The following LDB3 variants were observed in gnomAD, a reference collection of about 807,000 sequenced individuals.
The protein encoded by LDB3 is LIM domain-binding protein 3.
In LDB3, 49 loss-of-function variants were observed where a neutral mutation model predicts 69.0. The ratio of observed to expected loss-of-function variants is 0.71; its 90% CI spans 0.56 to 0.90. LDB3 has a LOEUF of 0.90. LDB3 is among the 40% of genes least tolerant of loss of function. The pLI is 0.00. For synonymous variants in LDB3, 387 were observed against 396.2 expected (o/e 0.98, Z 0.28); for missense variants, 928 against 974.1 (o/e 0.95, Z 0.63).
Position 86,679,416 on chromosome 10 carries a change from T to G in LDB3, c.143T>G (p.Leu48Arg). 1 of 1,614,042 alleles carries G rather than the reference T, an allele frequency of 6.2e-7. No individual in the cohort carries two copies. The highest frequency in any genetic ancestry group is 1.1e-5 in the South Asian group (1 of 91,068). ...AAQSQLSQGD[L>R]VVAIDGVNTD... ...CAGTCCCAGCTCAGCCAGGGTGACC[T>G]CGTGGTGGCCATTGACGGCGTCAAC... Residue 48 changes from leucine to arginine, a missense_variant, in exon 3 of 14, where the codon CTC becomes CGC. Transcript: ENST00000361373.
rs1448791183 is a variant in LDB3 at position 86,706,636 on chromosome 10, A to G, written c.1002A>G (p.Pro334=). ...CTGCCTCTCCCAGTGCGGCTTCGCC[A>G]CCCCTGGCCACAGCTGCTGCCCACA... ...PAAASPSAAS[P]PLATAAAHTA... is the part of the protein sequence containing the mutation. Residue 334 remains proline (P), a synonymous_variant, in exon 8 of 14, where the codon CCA becomes CCG. Transcript: ENST00000361373. 6.2e-7 allele frequency: 1 copy of G among 1,612,938 alleles called. No individual in the cohort carries two copies. The highest frequency in any genetic ancestry group is 2.2e-5 in the East Asian group (1 of 44,874).
At chr10:86,709,787 A>G in intron 8 of LDB3, 118 bp from the exon 9 acceptor site, 1 of 1,092,880 alleles carries the variant, frequency 9.2e-7, no homozygotes, top group Admixed American at 1.9e-5. Context: ...TTCCCCAGAA[A>G]TGTCTCTGTC....
intron 8 of LDB3, among the ~76,000 whole-genome samples, chr10:86,708,426 A>G (rs1234711579): frequency 6.6e-6 from 1 of 152,206 alleles, no homozygotes; most frequent in East Asian, 1.9e-4. Flanking sequence ...AATGGATGCC[A>G]TAAGCCTCTG....
At chr10:86,682,420 G>T (rs140851589) in intron 5 of LDB3, among the ~76,000 whole-genome samples, 65 of 152,216 alleles carry the variant, frequency 4.3e-4, no homozygotes, top group African/African-American at 1.6e-3. Context: ...AAGGGGCTGT[G>T]CAGGAGAACA....
chr10:86,687,054 G>T lies in LDB3; in HGVS notation c.690-4842G>T, dbSNP rs113445294. The T allele has an allele frequency of 5.6e-6, 9 of 1,612,684 alleles. No individual in the cohort carries two copies. In the Admixed American group the frequency reaches 1.0e-4, roughly 18 times the overall value. On this transcript the variant is annotated intron_variant, in intron 5 of 13. Transcript: ENST00000361373. ...CCTCCCTCTCCCTGCCCGTACTCCC[G>T]CACCCCTCCCCCAGCGCCGACTACC... is the stretch of plus-strand genomic sequence containing the variant.
chr10:86,711,097 G>A (rs1303716106), intron 9 of LDB3, among the ~76,000 whole-genome samples: 1 of 152,350 alleles, frequency 6.6e-6, no homozygotes, highest in South Asian at 2.1e-4. Context: ...GGCTGCCCCT[G>A]CAGAGACTGG....
intron 7 of LDB3, among the ~76,000 whole-genome samples, chr10:86,693,803 C>T (rs1478969047): frequency 1.3e-5 from 2 of 152,252 alleles, no homozygotes; most frequent in Non-Finnish European, 1.5e-5. Flanking sequence ...CTGCGTGCTG[C>T]TCCCATGCTT....
rs567990869 is a variant in LDB3, at chr10:86,682,508, AG to A, written c.689+711del. ...AAAGGACATGGGACTGGGGCACTGT[AG>A]GGGGGAGGCAAAGGAACGGAGTCCC... On this transcript the variant is annotated intron_variant, in intron 5 of 13. Coordinates refer to ENST00000361373, the MANE Select transcript of LDB3 (RefSeq NM_007078.3). 3.2e-4 allele frequency among the ~76,000 whole-genome samples: 49 copies of A among 152,196 alleles called. No homozygotes were observed. In the East Asian group the frequency reaches 5.8e-3, roughly 18 times the overall value.
chr10:86,726,345 CT>C lies in LDB3; in HGVS notation c.2094+94del, dbSNP rs34647099. ...ACCAACCTCTACATACCTTGCCACG[CT>C]AGCTTTCTGACATCCTGATCATTTT... On this transcript the variant is annotated intron_variant, in intron 13 of 13. Transcript: ENST00000361373. 236,865 of 900,974 alleles carry C rather than the reference CT, an allele frequency of 0.26. 35,547 individuals carry two copies. Among genetic ancestry groups the C allele is most frequent in the East Asian group, 0.6 (24,050 of 39,880 alleles). 55.8% of individuals were successfully genotyped at this position (900,974 alleles called of 1,614,324 possible).
intron 8 of LDB3, among the ~76,000 whole-genome samples, chr10:86,708,173 C>T (rs1262777517): frequency 6.6e-6 from 1 of 152,246 alleles, no homozygotes; most frequent in African/African-American, 2.4e-5. Flanking sequence ...CAGGGGGAGT[C>T]CTCCCTTCCT....
At chr10:86,672,495 G>C (rs1007655433) in intron 2 of LDB3, among the ~76,000 whole-genome samples, 1 of 152,224 alleles carries the variant, frequency 6.6e-6, no homozygotes, top group South Asian at 2.1e-4. Flanking sequence ...CTGGAATTTC[G>C]GGGCCGCTGG....
intron 7 of LDB3, among the ~76,000 whole-genome samples, chr10:86,697,215 C>CTTTTTTTTTTTTTTTTTTTTTTTTTTT: frequency 1.3e-5 from 1 of 77,782 alleles, no homozygotes; most frequent in Non-Finnish European, 2.3e-5. Flanking sequence ...TAGCAATTCA[C>CTTTTTTTTTTTTTTTTTTTTTTTTTTT]TTTTTTTTTT....
At chr10:86,679,230 G>A in intron 2 of LDB3, 137 bp from the exon 3 acceptor site, 1 of 1,027,966 alleles carries the variant, frequency 9.7e-7, no homozygotes, top group South Asian at 1.3e-5. Context: ...TTGGTTAGCA[G>A]CTGGTACTGG....
intron 12 of LDB3, among the ~76,000 whole-genome samples, chr10:86,719,631 G>A (rs1405883809): frequency 6.6e-6 from 1 of 152,130 alleles, no homozygotes; most frequent in Non-Finnish European, 1.5e-5. Context: ...GCTGTGGTGA[G>A]GATTAAACCA....
chr10:86,696,454 C>T (rs1224619940), intron 7 of LDB3, among the ~76,000 whole-genome samples: 3 of 152,214 alleles, frequency 2.0e-5, no homozygotes, highest in Admixed American at 6.5e-5. Context: ...TGCTCTTGCT[C>T]TCCTGTCTCT....
rs1032708507 is a variant in LDB3, at chr10:86,679,653, A to T, written c.245+135A>T. 2.9e-6 allele frequency: 3 copies of T among 1,020,902 alleles called. No homozygotes were observed. The African/African-American group carries it at 4.7e-5, about 16-fold the overall frequency. 63.2% of individuals were successfully genotyped at this position (1,020,902 alleles called of 1,614,324 possible). Reference sequence around the variant, plus strand: ...CAAAACTGTGCAGGAAGATAAGGACAGCCCTGGGCCAGAGGAATGAACAGG... The same window carrying T: ...CAAAACTGTGCAGGAAGATAAGGACTGCCCTGGGCCAGAGGAATGAACAGG... On this transcript the variant is annotated intron_variant, in intron 3 of 13. Coordinates refer to ENST00000361373, the MANE Select transcript of LDB3 (RefSeq NM_007078.3).
chr10:86,725,657 C>T (rs974681570), intron 12 of LDB3, among the ~76,000 whole-genome samples: 4 of 152,142 alleles, frequency 2.6e-5, no homozygotes, highest in Non-Finnish European at 5.9e-5. Context: ...TAAAGTAGTT[C>T]AAATACTGTT....
chr10:86,730,633 T>G (rs550287698), intron 13 of LDB3, among the ~76,000 whole-genome samples: 1 of 152,354 alleles, frequency 6.6e-6, no homozygotes, highest in South Asian at 2.1e-4. Flanking sequence ...GGTCTGTGAC[T>G]TAAGGAAGAC....
chr10:86,716,824 G>A, intron 10 of LDB3, 53 bp downstream of exon 10: 2 of 1,543,086 alleles, frequency 1.3e-6, no homozygotes, highest in Non-Finnish European at 1.8e-6. Flanking sequence ...GTGTGTGTGG[G>A]GTGCTTGCCC....
Sources: allele counts gnomAD v4.1 joint callset (sites outside exome capture counted in the v4.1 genomes callset), GRCh38; gene constraint gnomAD v4.1.1; transcripts MANE v1.5; gene names NCBI Gene and HGNC (gene_info 2026-07-23, HGNC 2026-07-21).